CFHR1: variants seen among roughly 807,000 people sequenced by gnomAD.
The protein encoded by CFHR1 is complement factor H-related protein 1.
CFHR1 carries 22 observed loss-of-function variants against 30.4 expected under a neutral mutation model. The ratio of observed to expected loss-of-function variants is 0.72; its 90% CI spans 0.52 to 1.03. The LOEUF is 1.03. CFHR1 is among the 50% of genes least tolerant of loss of function. The pLI is 0.00. For missense variants in CFHR1, 248 were observed against 380.6 expected (o/e 0.65, Z 2.90); for synonymous variants, 95 against 129.1 (o/e 0.74, Z 1.79).
At chr1:196,822,665 T>C (rs1231455683) in intron 1 of CFHR1, among the ~76,000 whole-genome samples, 1 of 134,716 alleles carries the variant, frequency 7.4e-6, no homozygotes, top group Non-Finnish European at 1.6e-5. Flanking sequence ...CATGGAGCTG[T>C]CCTCTCCTAT....
rs141760914 is a variant in CFHR1, at chr1:196,829,917, T to C, written c.608-583T>C. Among the ~76,000 whole-genome samples, 11 of 134,388 alleles carry C rather than the reference T, an allele frequency of 8.2e-5. 3 individuals carry two copies. Among genetic ancestry groups the C allele is most frequent in the African/African-American group, 3.5e-4 (11 of 31,198 alleles). The allele number at this position is 134,388 out of a possible 152,430, so 88.2% of individuals were successfully genotyped here. ...ATCCTTTCTCTTCTTTTTCTGCATC[T>C]GCATTATTTGTTGTTGTATTTTTCT... is the stretch of plus-strand genomic sequence containing the variant. On this transcript the variant is annotated intron_variant, in intron 4 of 5. Transcript: ENST00000320493.
intron 3 of CFHR1, among the ~76,000 whole-genome samples, chr1:196,827,477 T>A (rs147691540): frequency 0.013 from 1,827 of 135,856 alleles, 536 homozygotes; most frequent in African/African-American, 0.054. Context: ...TCTGAAGTTA[T>A]TTTTATTATT....
At chr1:196,831,719 A>T in intron 5 of CFHR1, 78 bp from the exon 6 acceptor site, 2 of 1,394,268 alleles carry the variant, frequency 1.4e-6, no homozygotes, top group South Asian at 2.7e-5. Flanking sequence ...ATCATATAAC[A>T]TTCTACTTGA....
chr1:196,832,153 C>T lies in CFHR1; in HGVS notation c.*154C>T, dbSNP rs1483195321. On this transcript the variant is annotated 3_prime_UTR_variant, in exon 6 of 6. Coordinates refer to ENST00000320493, the MANE Select transcript of CFHR1 (RefSeq NM_002113.3). ...ATTATAAGCTGAGACCGGTGGCTCT[C>T]TTCTTAAAAGCACCATATTAAAACT... is the stretch of plus-strand genomic sequence containing the variant. The T allele has an allele frequency of 8.1e-6, 6 of 737,108 alleles. 1 individual carries two copies. The highest frequency in any genetic ancestry group is 1.3e-5 in the Non-Finnish European group (6 of 465,536). 45.7% of individuals were successfully genotyped at this position (737,108 alleles called of 1,614,324 possible).
intron 2 of CFHR1, among the ~76,000 whole-genome samples, chr1:196,826,603 A>G (rs1655333445): frequency 7.5e-6 from 1 of 132,986 alleles, no homozygotes. Flanking sequence ...AGTGCGCACC[A>G]CTATGCCCGC....
At chr1:196,825,826 T>C in intron 2 of CFHR1, 155 bp downstream of exon 2, 1 of 680,018 alleles carries the variant, frequency 1.5e-6, no homozygotes, top group Non-Finnish European at 2.4e-6. Context: ...ATGCCTCCTA[T>C]AAGAATCAAT....
intron 1 of CFHR1, among the ~76,000 whole-genome samples, chr1:196,824,235 C>T (rs1454600537): frequency 1.6e-5 from 2 of 122,442 alleles, no homozygotes; most frequent in Non-Finnish European, 3.3e-5. Context: ...TGTGCATATC[C>T]TCCCATACAA....
At chr1:196,825,276 A>G in intron 1 of CFHR1, 1 of 421,406 alleles carries the variant, frequency 2.4e-6, no homozygotes. Context: ...TATATTCATT[A>G]ACAATTACCT....
chr1:196,830,433 G>A (rs2124895465), intron 4 of CFHR1, 67 bp from the exon 5 acceptor site: 1 of 1,445,926 alleles, frequency 6.9e-7, no homozygotes, highest in Non-Finnish European at 9.4e-7. Context: ...GTTTGTATTT[G>A]CCTTATTTGA....
In CFHR1 at chr1:196,830,558, C is replaced by T. The variant is rs373029801; in HGVS notation, c.666C>T (p.Phe222=). The change falls in exon 5 of 6, where the codon TTC becomes TTT. Residue 222 remains phenylalanine, a synonymous_variant. Transcript: ENST00000320493. ...PPIDNGDITS[F]PLSVYAPASS... ...TTGACAATGGGGACATTACTTCATT[C>T]CCGTTGTCAGTATATGCTCCAGCTT... 1.4e-5 allele frequency: 21 copies of T among 1,525,170 alleles called. 4 individuals carry two copies. The highest frequency in any genetic ancestry group is 1.7e-5 in the Non-Finnish European group (19 of 1,129,282). The allele number at this position is 1,525,170 out of a possible 1,614,324, so 94.5% of individuals were successfully genotyped here.
rs148562229 is a variant in CFHR1, at chr1:196,830,793, C to T, written c.790+111C>T. The T allele has an allele frequency of 9.0e-4, 1,218 of 1,358,704 alleles. 131 individuals carry two copies. In the East Asian group the frequency reaches 0.018, roughly 20 times the overall value. 84.2% of individuals were successfully genotyped at this position (1,358,704 alleles called of 1,614,324 possible). On this transcript the variant is annotated intron_variant, in intron 5 of 5. Transcript: ENST00000320493. The stretch of plus-strand genomic sequence containing the variant: ...ATTGAACAACCATTCTGCTGAATGC[C>T]TGCCTACCAAAAATTTCTTTTAGAA...
Position 196,825,727 on chromosome 1 carries a change from TGCC to T in CFHR1, c.253+57_253+59del. The T allele has an allele frequency of 2.8e-6, 4 of 1,429,638 alleles. No individual in the cohort carries two copies. In the Admixed American group the frequency reaches 7.0e-5, roughly 25 times the overall value. The allele number at this position is 1,429,638 out of a possible 1,614,324, so 88.6% of individuals were successfully genotyped here. ...GTCATTCAGTGAATAGAGAAGGATATGCCAGACAAGATCATAAGGTCTTGATAA... is the reference window on the plus strand; with the variant it reads ...GTCATTCAGTGAATAGAGAAGGATATAGACAAGATCATAAGGTCTTGATAA... On this transcript the variant is annotated intron_variant, in intron 2 of 5. Coordinates refer to ENST00000320493, the MANE Select transcript of CFHR1 (RefSeq NM_002113.3).
rs1196009938 is a variant in CFHR1, at chr1:196,825,598, G to A, written c.180G>A (p.Val60=). 1 of 1,524,936 alleles carries A rather than the reference G, an allele frequency of 6.6e-7. No individual in the cohort carries two copies. The highest frequency in any genetic ancestry group is 1.7e-5 in the Admixed American group (1 of 57,932). The allele number at this position is 1,524,936 out of a possible 1,614,324, so 94.5% of individuals were successfully genotyped here. ...ATTACTCCTGTGAATATAATTTTGT[G>A]TCTCCTTCAAAATCATTTTGGACTC... ...VFYYSCEYNF[V]SPSKSFWTRI... The change falls in exon 2 of 6, where the codon GTG becomes GTA. Residue 60 remains valine, a synonymous_variant. Transcript: ENST00000320493.
rs758929042 is a variant in CFHR1 at position 196,830,590 on chromosome 1, T to C, written c.698T>C (p.Val233Ala). 7.2e-6 allele frequency: 11 copies of C among 1,524,226 alleles called. No individual in the cohort carries two copies. Among genetic ancestry groups the C allele is most frequent in the Non-Finnish European group, 8.9e-6 (10 of 1,128,720 alleles). The allele number at this position is 1,524,226 out of a possible 1,614,324, so 94.4% of individuals were successfully genotyped here. The stretch of plus-strand genomic sequence containing the variant: ...TCAGTATATGCTCCAGCTTCATCAG[T>C]TGAGTACCAATGCCAGAACTTGTAT... ...PLSVYAPASSVEYQCQNLYQL... is the reference protein window; with the variant it reads ...PLSVYAPASSAEYQCQNLYQL... Residue 233 changes from valine (V) to alanine (A), a missense_variant, in exon 5 of 6, where the codon GTT (valine) becomes GCT (alanine). Transcript: ENST00000320493.
rs539162756 is a variant in CFHR1 at position 196,827,866 on chromosome 1, T to G, written c.431-204T>G. Among the ~76,000 whole-genome samples, 8 of 132,396 alleles carry G rather than the reference T, an allele frequency of 6.0e-5. 3 individuals carry two copies. The highest frequency in any genetic ancestry group is 2.6e-4 in the African/African-American group (8 of 30,506). The allele number at this position is 132,396 out of a possible 152,430, so 86.9% of individuals were successfully genotyped here. ...TCTAGCGAAGGATGAAGAAGAAATTTAAAACATCAAAGCTTGTACCTGACA... is the reference window on the plus strand; with the variant it reads ...TCTAGCGAAGGATGAAGAAGAAATTGAAAACATCAAAGCTTGTACCTGACA... On this transcript the variant is annotated intron_variant, in intron 3 of 5. Coordinates refer to ENST00000320493, the MANE Select transcript of CFHR1 (RefSeq NM_002113.3).
chr1:196,830,018 A>G (rs1655481618), intron 4 of CFHR1, among the ~76,000 whole-genome samples: 1 of 134,840 alleles, frequency 7.4e-6, no homozygotes. Context: ...GTTCAAGTTC[A>G]TGGATTTATT....
chr1:196,821,290 A>T lies in CFHR1; in HGVS notation c.58+1388A>T, dbSNP rs1365360796. 10 of 122,378 alleles carry T rather than the reference A, an allele frequency of 8.2e-5. No homozygotes were observed. The East Asian group carries it at 2.1e-3, about 25-fold the overall frequency. 7.6% of individuals were successfully genotyped at this position (122,378 alleles called of 1,614,324 possible). A position where few individuals can be genotyped will look rare whatever the true frequency, so the allele number is the denominator to read the frequency against. On this transcript the variant is annotated intron_variant, in intron 1 of 5. Coordinates refer to ENST00000320493, the MANE Select transcript of CFHR1 (RefSeq NM_002113.3). Reference sequence around the variant, plus strand: ...CTATTACACATGGCATTACATGAGGATTTCTAAATAGGGGGGTAGCAGAGG... The same window carrying T: ...CTATTACACATGGCATTACATGAGGTTTTCTAAATAGGGGGGTAGCAGAGG...
intron 3 of CFHR1, 125 bp downstream of exon 3, chr1:196,827,130 TTC>T: frequency 9.4e-7 from 1 of 1,064,870 alleles, no homozygotes; most frequent in Non-Finnish European, 1.3e-6. Flanking sequence ...TGATTTTCAG[TTC>T]CAATTGTGTC....
chr1:196,827,008 A>C lies in CFHR1; in HGVS notation c.430+3A>C. ...CCCTCCCAAATGCAGGTCCACTGGT[A>C]AGTACAATGCTGTTCTCTCATATGC... On this transcript the variant is annotated splice_donor_region_variant and intron_variant, in intron 3 of 5. Coordinates refer to ENST00000320493, the MANE Select transcript of CFHR1 (RefSeq NM_002113.3). 1.3e-6 allele frequency: 2 copies of C among 1,522,128 alleles called. 1 individual carries two copies. The highest frequency in any genetic ancestry group is 1.8e-6 in the Non-Finnish European group (2 of 1,126,534). The allele number at this position is 1,522,128 out of a possible 1,614,324, so 94.3% of individuals were successfully genotyped here. A position where few individuals can be genotyped will look rare whatever the true frequency, so the allele number is the denominator to read the frequency against.
Sources: allele counts gnomAD v4.1 joint callset (sites outside exome capture counted in the v4.1 genomes callset), GRCh38; gene constraint gnomAD v4.1.1; transcripts MANE v1.5; gene names NCBI Gene and HGNC (gene_info 2026-07-23, HGNC 2026-07-21).